PPP1R42: variants seen among roughly 807,000 people sequenced by gnomAD.
PPP1R42 encodes the protein protein phosphatase 1 regulatory subunit 42, also known as leucine rich repeat containing 67.
A neutral mutation model predicts 31.0 loss-of-function variants in PPP1R42; 34 were observed. That is an observed-to-expected ratio of 1.10 (90% CI 0.83 to 1.46). PPP1R42 has a LOEUF of 1.46. PPP1R42 is among the 40% of genes most tolerant of loss of function. The pLI is 0.00. For synonymous variants in PPP1R42, 103 were observed against 109.8 expected (o/e 0.94, Z 0.39); for missense variants, 268 against 303.0 (o/e 0.88, Z 0.86).
intron 6 of PPP1R42, chr8:66,984,223 TCTATAGGA>T: frequency 6.6e-7 from 1 of 1,522,164 alleles, no homozygotes; most frequent in Non-Finnish European, 9.1e-7. Context: ...AGCTATGTTC[TCTATAGGA>T]CACTGTTTAA....
intron 7 of PPP1R42, among the ~76,000 whole-genome samples, chr8:66,970,244 C>T (rs947744266): frequency 2.6e-5 from 4 of 152,124 alleles, no homozygotes; most frequent in African/African-American, 9.7e-5. Context: ...GACCCTCCCA[C>T]TTCAGCCTCC....
At chr8:67,016,507 T>C (rs1816020777) in intron 2 of PPP1R42, among the ~76,000 whole-genome samples, 1 of 152,220 alleles carries the variant, frequency 6.6e-6, no homozygotes, top group South Asian at 2.1e-4. Context: ...TCAGATTATA[T>C]CCAGATAAAC....
chr8:66,979,759 G>T lies in PPP1R42; in HGVS notation c.802+2290C>A, dbSNP rs577698829. Among the ~76,000 whole-genome samples, 5 of 152,074 alleles carry T rather than the reference G, an allele frequency of 3.3e-5. No homozygotes were observed. In the South Asian group the frequency reaches 1.0e-3, roughly 32 times the overall value. On this transcript the variant is annotated intron_variant, in intron 7 of 7. Coordinates refer to ENST00000685739, the MANE Select transcript of PPP1R42 (RefSeq NM_001364910.1). ...TCTATTTCTGTGAAAAATGTCATTG[G>T]TATTTTTATAGGGATTGCATTGTAT...
At chr8:67,001,515 C>A (rs1211599028) in intron 5 of PPP1R42, among the ~76,000 whole-genome samples, 1 of 150,764 alleles carries the variant, frequency 6.6e-6, no homozygotes, top group Non-Finnish European at 1.5e-5. Context: ...TTCTTTATTT[C>A]CCTTTTCTTT....
At chr8:67,026,300 T>C (rs958650072) in intron 1 of PPP1R42, among the ~76,000 whole-genome samples, 5 of 151,020 alleles carry the variant, frequency 3.3e-5, no homozygotes, top group Admixed American at 2.6e-4. Flanking sequence ...ATTGCACCAT[T>C]GCACTCCAGA....
rs544592025 is a variant in PPP1R42 at position 66,992,186 on chromosome 8, G to A, written c.553-3669C>T. On this transcript the variant is annotated intron_variant, in intron 5 of 7. Coordinates refer to ENST00000685739, the MANE Select transcript of PPP1R42 (RefSeq NM_001364910.1). Reference sequence around the variant, plus strand: ...TTGCATGGATCCTTCATGAATCTCTGACTCCACAAGTAACAAACCTCTGAC... The same window carrying A: ...TTGCATGGATCCTTCATGAATCTCTAACTCCACAAGTAACAAACCTCTGAC... 3.2e-3 allele frequency among the ~76,000 whole-genome samples: 480 copies of A among 152,176 alleles called. 1 individual carries two copies. The highest frequency in any genetic ancestry group is 0.017 in the Middle Eastern group (5 of 294).
intron 5 of PPP1R42, among the ~76,000 whole-genome samples, chr8:67,009,115 C>G (rs1363607287): frequency 6.6e-6 from 1 of 151,480 alleles, no homozygotes; most frequent in Non-Finnish European, 1.5e-5. Flanking sequence ...TACTAAAATA[C>G]AAAAATAAGC....
At chr8:67,014,300 A>G (rs1815935498) in intron 3 of PPP1R42, 126 bp downstream of exon 3, 3 of 516,066 alleles carry the variant, frequency 5.8e-6, no homozygotes, top group South Asian at 4.4e-5. Flanking sequence ...GTATGAAATC[A>G]TATCAATTTC....
intron 5 of PPP1R42, among the ~76,000 whole-genome samples, chr8:67,006,482 G>A (rs1290787235): frequency 6.6e-6 from 1 of 152,112 alleles, no homozygotes; most frequent in African/African-American, 2.4e-5. Context: ...ACCTGGGACT[G>A]AGTACCTAAG....
intron 5 of PPP1R42, among the ~76,000 whole-genome samples, chr8:67,006,581 G>C (rs1463639939): frequency 2.0e-5 from 3 of 152,162 alleles, no homozygotes; most frequent in Admixed American, 6.5e-5. Context: ...TGTCCAGGCT[G>C]GTTTTGAATT....
chr8:67,017,660 T>C lies in PPP1R42; in HGVS notation c.88A>G (p.Ile30Val). 6.3e-7 allele frequency: 1 copy of C among 1,586,168 alleles called. No homozygotes were observed. The highest frequency in any genetic ancestry group is 8.6e-7 in the Non-Finnish European group (1 of 1,167,200). The change falls in exon 2 of 8, where the codon ATA becomes GTA. Residue 30 changes from isoleucine (I) to valine (V), a missense_variant. Ile to Val is a conservative substitution (Grantham distance 29, BLOSUM62 3). Coordinates refer to ENST00000685739, the MANE Select transcript of PPP1R42 (RefSeq NM_001364910.1). ...EETISQCLKK[I>V]THINFSDKNI... ...TTGTCTGAAAAATTTATATGAGTTA[T>C]TTTCTTCAGGCACTGTGAAATGGTT...
chr8:67,017,736 C>T lies in PPP1R42; in HGVS notation c.12G>A (p.Leu4=), dbSNP rs758139856. ...TGTTTCTGGCAATTAGATCCAAGGT[C>T]AGTCGAACCATAATTTCTTTATAAA... MVR[L]TLDLIARNSN... Residue 4 remains leucine, a synonymous_variant, in exon 2 of 8, where the codon CTG becomes CTA. Transcript: ENST00000685739. The T allele has an allele frequency of 6.3e-7, 1 of 1,585,286 alleles. No individual in the cohort carries two copies. Among genetic ancestry groups the T allele is most frequent in the Middle Eastern group, 1.7e-4 (1 of 5,880 alleles).
intron 7 of PPP1R42, among the ~76,000 whole-genome samples, chr8:66,979,792 T>C (rs1335394925): frequency 6.6e-6 from 1 of 152,182 alleles, no homozygotes; most frequent in African/African-American, 2.4e-5. Flanking sequence ...TATAGATTGC[T>C]TTGGTTAGTA....
chr8:66,977,443 T>TC (rs1814710337), intron 7 of PPP1R42, among the ~76,000 whole-genome samples: 2 of 150,306 alleles, frequency 1.3e-5, no homozygotes, highest in Non-Finnish European at 3.0e-5. Context: ...GCTCAAGCAA[T>TC]CCCCCTGCCT....
intron 6 of PPP1R42, among the ~76,000 whole-genome samples, chr8:66,987,256 A>G (rs1259273817): frequency 1.3e-5 from 2 of 149,272 alleles, no homozygotes; most frequent in Non-Finnish European, 3.0e-5. Context: ...GCCTCCGTTA[A>G]CCTGTCTCCA....
chr8:66,987,434 T>C (rs1815057539), intron 6 of PPP1R42, among the ~76,000 whole-genome samples: 1 of 151,766 alleles, frequency 6.6e-6, no homozygotes, highest in African/African-American at 2.4e-5. Flanking sequence ...TGAGATTACA[T>C]GTGCACACTG....
intron 7 of PPP1R42, among the ~76,000 whole-genome samples, chr8:66,978,266 A>G (rs1344817428): frequency 6.6e-6 from 1 of 152,146 alleles, no homozygotes; most frequent in Admixed American, 6.5e-5. Context: ...TTATAAAATC[A>G]TCAGATCTCA....
At chr8:66,975,539 G>A (rs939253098) in intron 7 of PPP1R42, among the ~76,000 whole-genome samples, 3 of 152,014 alleles carry the variant, frequency 2.0e-5, no homozygotes, top group African/African-American at 7.2e-5. Flanking sequence ...CCAGCTTCTC[G>A]GGAGGCTGAG....
At chr8:66,971,248 A>C (rs1211450376) in intron 7 of PPP1R42, 1 of 721,972 alleles carries the variant, frequency 1.4e-6, no homozygotes, top group East Asian at 3.1e-5. Flanking sequence ...AAGCCAAATG[A>C]ATACACAGTA....
Sources: gnomAD v4.1 joint callset for allele counts (sites outside exome capture counted in the v4.1 genomes callset) on GRCh38, gnomAD v4.1.1 for gene constraint, MANE v1.5 for transcripts, NCBI Gene and HGNC (gene_info 2026-07-23, HGNC 2026-07-21) for gene names.